The following ASTN1 variants were observed in gnomAD, a reference collection of about 807,000 sequenced individuals.
ASTN1 encodes the protein astrotactin 1.
A neutral mutation model predicts 140.7 loss-of-function variants in ASTN1; 41 were observed. The ratio of observed to expected loss-of-function variants is 0.29; its 90% CI spans 0.23 to 0.38. The LOEUF is 0.38. ASTN1 is among the 10% of genes least tolerant of loss of function. ASTN1 has a pLI of 1.00. For synonymous variants in ASTN1, 640 were observed against 652.2 expected (o/e 0.98, Z 0.29); for missense variants, 1,479 against 1,678.8 (o/e 0.88, Z 2.08).
At chr1:177,034,850 G>T (rs1676634883) in intron 2 of ASTN1, among the ~76,000 whole-genome samples, 1 of 152,200 alleles carries the variant, frequency 6.6e-6, no homozygotes, top group African/African-American at 2.4e-5. Flanking sequence ...AAAACGAGAG[G>T]TAATTTTATT....
At chr1:177,153,190 A>C (rs1292048185) in intron 1 of ASTN1, among the ~76,000 whole-genome samples, 1 of 152,118 alleles carries the variant, frequency 6.6e-6, no homozygotes, top group Non-Finnish European at 1.5e-5. Flanking sequence ...TTGCTCTATT[A>C]GTTCCCTCTA....
intron 7 of ASTN1, among the ~76,000 whole-genome samples, chr1:177,018,309 C>A (rs1675657389): frequency 1.3e-5 from 2 of 152,164 alleles, no homozygotes; most frequent in Admixed American, 6.5e-5. Context: ...CGGGACTGAG[C>A]TACCCTGCCA....
At position 176,863,813 on chromosome 1, in the gene ASTN1, GAGAC is replaced by G. The variant is rs909757028; in HGVS notation, c.*467_*470del. ...TGAGCAGGGCCAAGGCTCCCAGAGT[GAGAC>G]GCTTCCTGAGGAATGCTTGAGGGTG... On this transcript the variant is annotated 3_prime_UTR_variant, in exon 23 of 23. Coordinates refer to ENST00000361833, the MANE Select transcript of ASTN1 (RefSeq NM_004319.3). 1.2e-4 allele frequency: 120 copies of G among 993,096 alleles called. No individual in the cohort carries two copies. In the African/African-American group the frequency reaches 2.0e-3, roughly 17 times the overall value. 61.5% of individuals were successfully genotyped at this position (993,096 alleles called of 1,614,324 possible).
At chr1:177,090,989 T>C (rs577076445) in intron 1 of ASTN1, among the ~76,000 whole-genome samples, 4 of 152,074 alleles carry the variant, frequency 2.6e-5, no homozygotes, top group African/African-American at 9.7e-5. Flanking sequence ...AAGGGTAACA[T>C]GCATATGTGA....
chr1:177,160,094 C>T (rs11577465), intron 1 of ASTN1, among the ~76,000 whole-genome samples: 16,844 of 152,154 alleles, frequency 0.11, 1,196 homozygotes, highest in African/African-American at 0.2. Context: ...TTTCAGGGCT[C>T]CTTTTGTTCA....
chr1:176,908,255 T>C (rs1402675068), intron 16 of ASTN1, among the ~76,000 whole-genome samples: 2 of 151,926 alleles, frequency 1.3e-5, no homozygotes, highest in Admixed American at 6.5e-5. Context: ...CAGGCAGACA[T>C]ACAGACCTGG....
intron 16 of ASTN1, among the ~76,000 whole-genome samples, chr1:176,922,692 T>C (rs1670788151): frequency 1.3e-5 from 2 of 152,240 alleles, no homozygotes; most frequent in Admixed American, 1.3e-4. Flanking sequence ...ATCCTAATTT[T>C]TGGAATGGAG....
At chr1:176,983,443 C>T (rs1285819668) in intron 8 of ASTN1, among the ~76,000 whole-genome samples, 1 of 152,184 alleles carries the variant, frequency 6.6e-6, no homozygotes, top group South Asian at 2.1e-4. Context: ...TTGTTAGACT[C>T]GCAGTAGATT....
chr1:177,008,666 A>C (rs1359405950), intron 8 of ASTN1, among the ~76,000 whole-genome samples: 1 of 152,058 alleles, frequency 6.6e-6, no homozygotes, highest in Non-Finnish European at 1.5e-5. Flanking sequence ...GATGAATAAA[A>C]TAAACTGCTG....
At chr1:176,879,406 G>A (rs1207911933) in intron 20 of ASTN1, among the ~76,000 whole-genome samples, 2 of 152,188 alleles carry the variant, frequency 1.3e-5, no homozygotes, top group African/African-American at 4.8e-5. Flanking sequence ...ATGTTAAAAT[G>A]TCACCTGCCC....
chr1:176,949,420 T>A, intron 11 of ASTN1, 69 bp from the exon 12 acceptor site: 1 of 1,497,766 alleles, frequency 6.7e-7, no homozygotes, highest in Non-Finnish European at 9.0e-7. Flanking sequence ...GAACTGAGTG[T>A]AACCACTGAC....
chr1:177,040,157 A>C (rs973146518), intron 2 of ASTN1, among the ~76,000 whole-genome samples: 1 of 152,248 alleles, frequency 6.6e-6, no homozygotes, highest in African/African-American at 2.4e-5. Flanking sequence ...TTCGCAGATG[A>C]AAGGCAAGTG....
chr1:177,140,846 TTTTCTCTCAC>T (rs1682436072), intron 1 of ASTN1, among the ~76,000 whole-genome samples: 1 of 152,212 alleles, frequency 6.6e-6, no homozygotes, highest in South Asian at 2.1e-4. Flanking sequence ...GGATGTATTT[TTTTCTCTCAC>T]TTTCTTAGCT....
chr1:176,981,066 G>A (rs1217433203), intron 8 of ASTN1, among the ~76,000 whole-genome samples: 2 of 151,688 alleles, frequency 1.3e-5, no homozygotes, highest in African/African-American at 4.8e-5. Flanking sequence ...ACAAAAATTA[G>A]CTGGGCGTGG....
intron 1 of ASTN1, among the ~76,000 whole-genome samples, chr1:177,137,133 T>G (rs1682241614): frequency 6.6e-6 from 1 of 152,062 alleles, no homozygotes; most frequent in African/African-American, 2.4e-5. Flanking sequence ...AGGAAGAAGT[T>G]TATGGGGATG....
chr1:176,896,864 G>C (rs1397864546), intron 16 of ASTN1, among the ~76,000 whole-genome samples: 1 of 152,108 alleles, frequency 6.6e-6, no homozygotes, highest in Non-Finnish European at 1.5e-5. Context: ...TTCTGTGTGT[G>C]TCCATCATTC....
chr1:177,009,521 A>C (rs1310822255), intron 8 of ASTN1, among the ~76,000 whole-genome samples: 1 of 152,204 alleles, frequency 6.6e-6, no homozygotes, highest in Non-Finnish European at 1.5e-5. Context: ...TTATAAAGAT[A>C]TAGATTCCCT....
In ASTN1 at chr1:176,934,332, T is replaced by C; in HGVS notation, c.2491A>G (p.Asn831Asp). 1 of 1,610,304 alleles carries C rather than the reference T, an allele frequency of 6.2e-7. No homozygotes were observed. Among genetic ancestry groups the C allele is most frequent in the Non-Finnish European group, 8.5e-7 (1 of 1,176,958 alleles). The part of the protein sequence containing the change: ...NQVAISQALS[N>D]ALHSLDGATS... ...GCCCCATCCAGCGAGTGGAGAGCAT[T>C]GCTGAGGGCTATGGAGAGGCATCAC... Residue 831 changes from asparagine (N) to aspartate (D), a missense_variant, in exon 16 of 23, where the codon AAT (asparagine) becomes GAT (aspartate). Physicochemically the swap from Asn to Asp is conservative, Grantham distance 23. Around this residue, in one of 3 missense-constraint regions of ASTN1, gnomAD observed 746 missense variants for 800.9 expected, o/e 0.93. Transcript: ENST00000361833.
intron 16 of ASTN1, among the ~76,000 whole-genome samples, chr1:176,902,801 T>G (rs1669825832): frequency 6.6e-6 from 1 of 152,132 alleles, no homozygotes; most frequent in South Asian, 2.1e-4. Flanking sequence ...AAACTTAGTG[T>G]AAAAAATAAA....
Sources: gnomAD v4.1 joint callset for allele counts (sites outside exome capture counted in the v4.1 genomes callset) on GRCh38, gnomAD v4.1.1 for gene constraint, gnomAD v4.1.1 regional missense constraint, MANE v1.5 for transcripts, NCBI Gene and HGNC (gene_info 2026-07-23, HGNC 2026-07-21) for gene names.